The following DNER variants were observed in gnomAD, a reference collection of about 807,000 sequenced individuals.
DNER encodes delta/notch like EGF repeat containing.
A neutral mutation model predicts 78.2 loss-of-function variants in DNER; 33 were observed. The observed-to-expected ratio is 0.42, with a 90% CI of 0.32 to 0.56. The LOEUF (loss-of-function observed/expected upper bound fraction) is 0.56, where lower values mean the gene tolerates loss of function less well. Ranked by LOEUF, DNER falls within the 20% of genes least tolerant of loss-of-function variation. The pLI is 0.11. For missense variants in DNER, 918 were observed against 975.3 expected (o/e 0.94, Z 0.78); for synonymous variants, 417 against 384.8 (o/e 1.08, Z -0.98).
chr2:229,628,832 A>T (rs1698389331), intron 1 of DNER, among the ~76,000 whole-genome samples: 1 of 152,196 alleles, frequency 6.6e-6, no homozygotes, highest in Non-Finnish European at 1.5e-5. Flanking sequence ...CCGGACATCA[A>T]AAAGGTACTA....
chr2:229,541,517 T>G (rs557444392), intron 5 of DNER, among the ~76,000 whole-genome samples: 25 of 152,300 alleles, frequency 1.6e-4, no homozygotes, highest in South Asian at 6.2e-4. Context: ...GTTATTTATA[T>G]CCTACTGCTC....
intron 10 of DNER, among the ~76,000 whole-genome samples, chr2:229,402,832 T>C (rs746257723): frequency 3.9e-5 from 6 of 152,004 alleles, no homozygotes; most frequent in Non-Finnish European, 7.4e-5. Context: ...GTGACAAGAG[T>C]GGTCCCAAAG....
At chr2:229,439,658 C>T (rs998242678) in intron 8 of DNER, among the ~76,000 whole-genome samples, 3 of 152,184 alleles carry the variant, frequency 2.0e-5, no homozygotes, top group African/African-American at 7.2e-5. Flanking sequence ...TAATTTTCAA[C>T]CACATAGTAA....
At chr2:229,481,935 A>G (rs1695168962) in intron 6 of DNER, among the ~76,000 whole-genome samples, 1 of 152,246 alleles carries the variant, frequency 6.6e-6, no homozygotes, top group African/African-American at 2.4e-5. Flanking sequence ...AACCTATGCC[A>G]TAGCTCCCAA....
intron 1 of DNER, among the ~76,000 whole-genome samples, chr2:229,612,066 C>T (rs1293557164): frequency 1.3e-5 from 2 of 152,228 alleles, no homozygotes; most frequent in Non-Finnish European, 2.9e-5. Flanking sequence ...ACTCTGGAGT[C>T]AAGCGCTGCT....
At chr2:229,488,181 C>G (rs191830092) in intron 6 of DNER, among the ~76,000 whole-genome samples, 5 of 152,166 alleles carry the variant, frequency 3.3e-5, no homozygotes, top group Non-Finnish European at 7.4e-5. Context: ...AATGCCCTTG[C>G]AGAAGAAATC....
At chr2:229,374,845 T>C (rs1048785662) in intron 11 of DNER, among the ~76,000 whole-genome samples, 3 of 152,174 alleles carry the variant, frequency 2.0e-5, no homozygotes, top group Non-Finnish European at 2.9e-5. Context: ...AAAAGTTAAG[T>C]ATTATTTTAT....
At chr2:229,654,906 G>A (rs1037119896) in intron 1 of DNER, among the ~76,000 whole-genome samples, 1 of 152,098 alleles carries the variant, frequency 6.6e-6, no homozygotes, top group Non-Finnish European at 1.5e-5. Context: ...CCAACTAGAA[G>A]TGTTGGTTTT....
At chr2:229,557,726 G>A (rs1302124766) in intron 4 of DNER, among the ~76,000 whole-genome samples, 1 of 151,226 alleles carries the variant, frequency 6.6e-6, no homozygotes, top group Non-Finnish European at 1.5e-5. Flanking sequence ...AGATACTGAG[G>A]GAGACAAAAG....
At chr2:229,550,608 C>T (rs575160086) in intron 4 of DNER, among the ~76,000 whole-genome samples, 1 of 151,814 alleles carries the variant, frequency 6.6e-6, no homozygotes, top group East Asian at 2.0e-4. Flanking sequence ...AACCCTGTCT[C>T]TAATGAAATA....
At chr2:229,633,216 G>A (rs1467259384) in intron 1 of DNER, among the ~76,000 whole-genome samples, 1 of 152,160 alleles carries the variant, frequency 6.6e-6, no homozygotes, top group African/African-American at 2.4e-5. Context: ...GCCAGTTCTG[G>A]TACAATGACC....
intron 1 of DNER, among the ~76,000 whole-genome samples, chr2:229,680,746 C>A (rs911874159): frequency 6.6e-6 from 1 of 152,202 alleles, no homozygotes; most frequent in Non-Finnish European, 1.5e-5. Flanking sequence ...ATACAGGTTA[C>A]CTTTCTCAGC....
At chr2:229,511,107 T>C (rs924481531) in intron 6 of DNER, among the ~76,000 whole-genome samples, 2 of 152,166 alleles carry the variant, frequency 1.3e-5, no homozygotes, top group African/African-American at 4.8e-5. Flanking sequence ...TTTATAAATT[T>C]CTGCTTTGCT....
chr2:229,431,688 T>C (rs892766469), intron 8 of DNER, among the ~76,000 whole-genome samples: 6 of 149,860 alleles, frequency 4.0e-5, no homozygotes, highest in Non-Finnish European at 8.9e-5. Context: ...TAATGCTAAA[T>C]GACGAGTTAA....
chr2:229,408,114 A>G (rs1281908220), intron 9 of DNER, among the ~76,000 whole-genome samples: 1 of 152,088 alleles, frequency 6.6e-6, no homozygotes. Flanking sequence ...TTTTTAAAAA[A>G]TCTGTAAAGT....
At chr2:229,594,799 C>G (rs895136562) in intron 1 of DNER, among the ~76,000 whole-genome samples, 3 of 151,828 alleles carry the variant, frequency 2.0e-5, no homozygotes, top group African/African-American at 7.3e-5. Flanking sequence ...TTTTTGTAAG[C>G]AATAGAAAAC....
intron 4 of DNER, chr2:229,580,082 T>C (rs1697367165): frequency 6.6e-6 from 1 of 152,164 alleles, no homozygotes; most frequent in South Asian, 2.1e-4. Flanking sequence ...AAAACAAGAA[T>C]CTTTTCAGGC....
chr2:229,381,206 G>A (rs1346236914), intron 11 of DNER, among the ~76,000 whole-genome samples: 1 of 152,008 alleles, frequency 6.6e-6, no homozygotes, highest in South Asian at 2.1e-4. Flanking sequence ...GGGAAGCCAT[G>A]AGGGACTGTG....
intron 10 of DNER, among the ~76,000 whole-genome samples, 169 bp downstream of exon 10, chr2:229,407,063 C>T (rs1414938754): frequency 1.3e-5 from 2 of 152,204 alleles, no homozygotes; most frequent in African/African-American, 4.8e-5. Context: ...GAGGCTCACA[C>T]AATGGGTTGT....
Sources: gnomAD v4.1 joint callset for allele counts (sites outside exome capture counted in the v4.1 genomes callset) on GRCh38, gnomAD v4.1.1 for gene constraint, MANE v1.5 for transcripts, NCBI Gene and HGNC (gene_info 2026-07-23, HGNC 2026-07-21) for gene names.